TSPAN5: variants seen among roughly 807,000 people sequenced by gnomAD.
TSPAN5 encodes tetraspanin 5, also known as tetraspanin-5.
In TSPAN5, 10 loss-of-function variants were observed where a neutral mutation model predicts 37.1. The ratio of observed to expected loss-of-function variants is 0.27; its 90% CI spans 0.17 to 0.46. The LOEUF is 0.46. Ranked by LOEUF, TSPAN5 falls within the 20% of genes least tolerant of loss-of-function variation. The pLI is 1.00. For synonymous variants in TSPAN5, 110 were observed against 118.9 expected (o/e 0.93, Z 0.48); for missense variants, 195 against 326.6 (o/e 0.60, Z 3.11).
intron 1 of TSPAN5, among the ~76,000 whole-genome samples, chr4:98,587,340 G>A (rs1241986008): frequency 6.6e-6 from 1 of 152,176 alleles, no homozygotes; most frequent in Non-Finnish European, 1.5e-5. Flanking sequence ...ATGATTTCTA[G>A]AGTTCTTAGT....
intron 1 of TSPAN5, among the ~76,000 whole-genome samples, chr4:98,633,227 T>G (rs1756785647): frequency 6.6e-6 from 1 of 152,166 alleles, no homozygotes; most frequent in African/African-American, 2.4e-5. Context: ...CCTTGTAATC[T>G]CCTTAGTACA....
chr4:98,495,373 C>T (rs1330014205), intron 2 of TSPAN5, among the ~76,000 whole-genome samples: 2 of 151,894 alleles, frequency 1.3e-5, no homozygotes, highest in Non-Finnish European at 2.9e-5. Flanking sequence ...ACTAAAAATA[C>T]AAAAAATTAG....
chr4:98,559,001 C>T (rs4699654), intron 1 of TSPAN5, among the ~76,000 whole-genome samples: 19,104 of 152,180 alleles, frequency 0.13, 1,400 homozygotes, highest in South Asian at 0.23. Flanking sequence ...GAAATAACTC[C>T]CTTCAGAGTG....
chr4:98,643,986 A>T (rs1757010802), intron 1 of TSPAN5, among the ~76,000 whole-genome samples: 1 of 152,152 alleles, frequency 6.6e-6, no homozygotes, highest in South Asian at 2.1e-4. Context: ...CTGCCTCCAT[A>T]AGGTCATGCT....
rs191902346 is a variant in TSPAN5, at chr4:98,626,176, T to G, written c.81+31970A>C. ...CTGCATCACTCACGAACAGCCCAGG[T>G]ACATGCTGGTTTCCCAGTGAAGAAA... On this transcript the variant is annotated intron_variant, in intron 1 of 7. Coordinates refer to ENST00000305798, the MANE Select transcript of TSPAN5 (RefSeq NM_005723.4). 4.4e-4 allele frequency among the ~76,000 whole-genome samples: 67 copies of G among 152,212 alleles called. 1 individual carries two copies. The highest frequency in any genetic ancestry group is 7.1e-4 in the Non-Finnish European group (48 of 67,974).
At chr4:98,587,503 G>A (rs1324811585) in intron 1 of TSPAN5, among the ~76,000 whole-genome samples, 1 of 152,156 alleles carries the variant, frequency 6.6e-6, no homozygotes, top group African/African-American at 2.4e-5. Context: ...CTCTAAAGAA[G>A]GTAGGCAGGG....
chr4:98,576,744 A>C (rs999212428), intron 1 of TSPAN5, among the ~76,000 whole-genome samples: 3 of 151,876 alleles, frequency 2.0e-5, no homozygotes, highest in Non-Finnish European at 4.4e-5. Context: ...TTCAGCATAC[A>C]CCTATTTATT....
chr4:98,631,755 G>A (rs1351334459), intron 1 of TSPAN5, among the ~76,000 whole-genome samples: 2 of 152,182 alleles, frequency 1.3e-5, no homozygotes, highest in Admixed American at 1.3e-4. Flanking sequence ...AAAGTGCCTT[G>A]CAAAGCATGT....
At chr4:98,517,925 C>T (rs1753770584) in intron 1 of TSPAN5, among the ~76,000 whole-genome samples, 1 of 152,182 alleles carries the variant, frequency 6.6e-6, no homozygotes, top group Non-Finnish European at 1.5e-5. Context: ...ATAACTCAAG[C>T]ACTTCAAATC....
intron 2 of TSPAN5, among the ~76,000 whole-genome samples, chr4:98,489,317 A>G (rs904836696): frequency 6.6e-6 from 1 of 152,166 alleles, no homozygotes; most frequent in Non-Finnish European, 1.5e-5. Context: ...ACACCCAACC[A>G]ATCAGGTAGT....
Position 98,482,042 on chromosome 4 carries a change from A to G in TSPAN5, c.413T>C (p.Ile138Thr), listed in dbSNP as rs772324672. The G allele has an allele frequency of 5.6e-6, 9 of 1,614,086 alleles. No homozygotes were observed. Among genetic ancestry groups the G allele is most frequent in the African/African-American group, 2.7e-5 (2 of 75,038 alleles). Residue 138 changes from isoleucine to threonine, a missense_variant, in exon 4 of 8, where the codon ATT (isoleucine) becomes ACT (threonine). Physicochemically the swap from Ile to Thr is moderately conservative, Grantham distance 89. Transcript: ENST00000305798. ...GAAGTCTATGAGGTTTTGCAAATCAATGTCATCCCGATATGCTCTGATGTT... is the reference window on the plus strand; with the variant it reads ...GAAGTCTATGAGGTTTTGCAAATCAGTGTCATCCCGATATGCTCTGATGTT... ...NNNIRAYRDDIDLQNLIDFTQ... is the reference protein window; with the variant it reads ...NNNIRAYRDDTDLQNLIDFTQ...
intron 1 of TSPAN5, among the ~76,000 whole-genome samples, chr4:98,541,685 A>AT (rs1754360607): frequency 8.6e-6 from 1 of 116,000 alleles, no homozygotes; most frequent in African/African-American, 3.0e-5. Context: ...AAAAAAAAAA[A>AT]AAAAAAAAAA....
At chr4:98,481,793 G>T (rs1399315515) in intron 4 of TSPAN5, among the ~76,000 whole-genome samples, 2 of 152,304 alleles carry the variant, frequency 1.3e-5, no homozygotes, top group South Asian at 4.1e-4. Flanking sequence ...CTTAACAGAA[G>T]TTGAAACAAG....
intron 2 of TSPAN5, among the ~76,000 whole-genome samples, chr4:98,487,645 A>T (rs1367431696): frequency 6.6e-6 from 1 of 152,066 alleles, no homozygotes; most frequent in East Asian, 1.9e-4. Flanking sequence ...AGATCCCAAA[A>T]GCCTTGTGTG....
At chr4:98,548,886 GGTGTGT>G (rs142527701) in intron 1 of TSPAN5, among the ~76,000 whole-genome samples, 9 of 57,464 alleles carry the variant, frequency 1.6e-4, no homozygotes, top group South Asian at 1.1e-3. Context: ...AGTATTCCAA[GGTGTGT>G]GTGTGTGTGT....
intron 5 of TSPAN5, 110 bp downstream of exon 5, chr4:98,478,575 C>G (rs935472877): frequency 7.5e-7 from 1 of 1,332,288 alleles, no homozygotes; most frequent in Non-Finnish European, 1.1e-6. Context: ...GCTACAAATA[C>G]GAGTAACCAG....
intron 2 of TSPAN5, among the ~76,000 whole-genome samples, chr4:98,504,682 T>C (rs1049893628): frequency 3.3e-5 from 5 of 152,092 alleles, no homozygotes; most frequent in Non-Finnish European, 5.9e-5. Context: ...AACAATTCTA[T>C]AAGGTGAGAA....
intron 1 of TSPAN5, among the ~76,000 whole-genome samples, chr4:98,652,498 C>T (rs1355430051): frequency 1.3e-5 from 2 of 152,136 alleles, no homozygotes; most frequent in Non-Finnish European, 2.9e-5. Context: ...CGATTATGAA[C>T]AGATGTAAAT....
chr4:98,498,550 G>A (rs73832329), intron 2 of TSPAN5, among the ~76,000 whole-genome samples: 4,021 of 152,150 alleles, frequency 0.026, 164 homozygotes, highest in African/African-American at 0.09. Flanking sequence ...TCTTTTGTGC[G>A]CCTCGGTGAA....
Sources: allele counts gnomAD v4.1 joint callset (sites outside exome capture counted in the v4.1 genomes callset), GRCh38; gene constraint gnomAD v4.1.1; transcripts MANE v1.5; gene names NCBI Gene and HGNC (gene_info 2026-07-23, HGNC 2026-07-21).